COQ3: variants seen among roughly 807,000 people sequenced by gnomAD.
COQ3 encodes ubiquinone biosynthesis O-methyltransferase, mitochondrial.
A neutral mutation model predicts 33.1 loss-of-function variants in COQ3; 29 were observed. That is an observed-to-expected ratio of 0.88 (90% CI 0.65 to 1.19). COQ3 has a LOEUF of 1.19. Ranked by LOEUF, COQ3 falls within the 50% of genes most tolerant of loss-of-function variation. COQ3 has a pLI of 0.00. For synonymous variants in COQ3, 173 were observed against 157.8 expected (o/e 1.10, Z -0.72); for missense variants, 437 against 430.7 (o/e 1.01, Z -0.13).
chr6:99,378,948 CTT>C (rs144759090), intron 3 of COQ3, among the ~76,000 whole-genome samples: 3,695 of 142,640 alleles, frequency 0.026, 176 homozygotes, highest in African/African-American at 0.09. Flanking sequence ...CAATTTCTTT[CTT>C]TTTTTTTTTT....
At chr6:99,383,423 A>T (rs1774527730) in intron 2 of COQ3, among the ~76,000 whole-genome samples, 1 of 152,248 alleles carries the variant, frequency 6.6e-6, no homozygotes, top group South Asian at 2.1e-4. Flanking sequence ...TCTAAGTAAT[A>T]GCCTTATATT....
chr6:99,372,521 G>A (rs1192427796), intron 5 of COQ3, among the ~76,000 whole-genome samples: 9 of 151,508 alleles, frequency 5.9e-5, no homozygotes, highest in African/African-American at 1.2e-4. Flanking sequence ...GGGTTCAAGC[G>A]ATTCTCCTGC....
chr6:99,374,141 A>AT (rs1774220528), intron 5 of COQ3, among the ~76,000 whole-genome samples: 1 of 151,614 alleles, frequency 6.6e-6, no homozygotes, highest in Non-Finnish European at 1.5e-5. Flanking sequence ...AAAAAAAAAA[A>AT]AATTAATAAA....
intron 6 of COQ3, among the ~76,000 whole-genome samples, chr6:99,370,457 T>A (rs1450951469): frequency 6.6e-6 from 1 of 150,466 alleles, no homozygotes; most frequent in Non-Finnish European, 1.5e-5. Flanking sequence ...CAAGTGATTC[T>A]CCTGCCTCAG....
At chr6:99,392,432 C>T (rs541259099) in intron 1 of COQ3, among the ~76,000 whole-genome samples, 2 of 152,248 alleles carry the variant, frequency 1.3e-5, no homozygotes, top group Admixed American at 6.5e-5. Flanking sequence ...CCACTGTCCG[C>T]GGGATAGTCT....
At chr6:99,382,295 C>T (rs1774495532) in intron 2 of COQ3, among the ~76,000 whole-genome samples, 2 of 152,142 alleles carry the variant, frequency 1.3e-5, no homozygotes, top group South Asian at 4.1e-4. Flanking sequence ...CACTGACTTC[C>T]ATGTAGAAGC....
intron 1 of COQ3, among the ~76,000 whole-genome samples, chr6:99,388,314 CA>C (rs879814101): frequency 8.5e-4 from 130 of 152,180 alleles, no homozygotes; most frequent in Non-Finnish European, 1.4e-3. Flanking sequence ...TAAATCATTT[CA>C]AAAAAATTCA....
intron 5 of COQ3, 127 bp from the exon 6 acceptor site, chr6:99,371,714 C>G (rs567548627): frequency 1.5e-6 from 1 of 651,292 alleles, no homozygotes; most frequent in Admixed American, 3.5e-5. Context: ...TATATATGTA[C>G]GCATAAAATA....
intron 1 of COQ3, among the ~76,000 whole-genome samples, chr6:99,388,718 G>C (rs1273429783): frequency 6.6e-6 from 1 of 151,730 alleles, no homozygotes; most frequent in East Asian, 1.9e-4. Context: ...TGTGGTGGTG[G>C]GAACCTGTAA....
intron 5 of COQ3, among the ~76,000 whole-genome samples, chr6:99,372,821 C>G (rs1019978542): frequency 6.6e-6 from 1 of 151,930 alleles, no homozygotes; most frequent in Non-Finnish European, 1.5e-5. Context: ...TCTCATTAGC[C>G]TGATGAGGGA....
rs769405773 is a variant in COQ3, at chr6:99,383,814, C to A, written c.117G>T (p.Lys39Asn). 1 of 1,571,572 alleles carries A rather than the reference C, an allele frequency of 6.4e-7. No individual in the cohort carries two copies. The highest frequency in any genetic ancestry group is 1.4e-5 in the African/African-American group (1 of 72,096). Reference protein sequence around the residue: ...RPLISSAVYVKNQLSGTLQIK... With the variant: ...RPLISSAVYVNNQLSGTLQIK... The stretch of plus-strand genomic sequence containing the variant: ...TCTGTAGAGTCCCACTGAGCTGGTT[C>A]TTCACATAAACTGAAAAAAAAAATT... The change falls in exon 2 of 7, where the codon AAG (lysine) becomes AAT (asparagine). Residue 39 changes from lysine (K) to asparagine (N), a missense_variant. Physicochemically the swap from Lys to Asn is moderately conservative, Grantham distance 94. Coordinates refer to ENST00000254759, the MANE Select transcript of COQ3 (RefSeq NM_017421.4).
intron 1 of COQ3, among the ~76,000 whole-genome samples, chr6:99,391,621 C>T (rs977225231): frequency 1.1e-4 from 16 of 152,048 alleles, no homozygotes; most frequent in Non-Finnish European, 2.2e-4. Flanking sequence ...GGACAGACAA[C>T]CCTTGATCTC....
At chr6:99,391,603 G>GT (rs1554209344) in intron 1 of COQ3, among the ~76,000 whole-genome samples, 3 of 152,310 alleles carry the variant, frequency 2.0e-5, no homozygotes, top group Middle Eastern at 6.8e-3. Flanking sequence ...AACAATATCT[G>GT]CTTTTACGGA....
intron 3 of COQ3, among the ~76,000 whole-genome samples, chr6:99,378,996 CTTTA>C (rs1459467764): frequency 2.0e-5 from 3 of 149,190 alleles, no homozygotes; most frequent in Admixed American, 1.3e-4. Context: ...TTGCAGTTCC[CTTTA>C]TTTTTTATTT....
chr6:99,394,045 A>G, intron 1 of COQ3, 29 bp downstream of exon 1: 1 of 1,566,666 alleles, frequency 6.4e-7, no homozygotes, highest in Non-Finnish European at 8.8e-7. Context: ...AATTGACTGC[A>G]TGCGAAGGAC....
intron 6 of COQ3, among the ~76,000 whole-genome samples, chr6:99,370,667 A>G (rs181257843): frequency 6.6e-6 from 1 of 152,148 alleles, no homozygotes; most frequent in Admixed American, 6.6e-5. Flanking sequence ...TTTTCAACAA[A>G]GTTACTCATA....
intron 3 of COQ3, 74 bp downstream of exon 3, chr6:99,380,115 A>G: frequency 1.4e-6 from 2 of 1,442,522 alleles, no homozygotes; most frequent in Non-Finnish European, 1.9e-6. Context: ...GTATAAACTA[A>G]GAAAAAAATG....
intron 1 of COQ3, among the ~76,000 whole-genome samples, chr6:99,384,424 A>G (rs780692364): frequency 3.1e-4 from 47 of 152,236 alleles, no homozygotes; most frequent in Non-Finnish European, 5.3e-4. Context: ...TACATTATGT[A>G]CATAAAATGA....
At position 99,375,827 on chromosome 6, in the gene COQ3, C is replaced by G. The variant is rs1323118202; in HGVS notation, c.729+113G>C. 4.3e-6 allele frequency: 5 copies of G among 1,152,632 alleles called. No homozygotes were observed. In the East Asian group the frequency reaches 1.2e-4, roughly 27 times the overall value. The allele number at this position is 1,152,632 out of a possible 1,614,324, so 71.4% of individuals were successfully genotyped here. A position where few individuals can be genotyped will look rare whatever the true frequency, so the allele number is the denominator to read the frequency against. ...TCATCCAGGCTTCCTGGTTTCTTCT[C>G]TACTATACCTTGCCTGCTGGACTGC... On this transcript the variant is annotated intron_variant, in intron 5 of 6. Transcript: ENST00000254759.
Sources: gnomAD v4.1 joint callset for allele counts (sites outside exome capture counted in the v4.1 genomes callset) on GRCh38, gnomAD v4.1.1 for gene constraint, MANE v1.5 for transcripts, NCBI Gene and HGNC (gene_info 2026-07-23, HGNC 2026-07-21) for gene names.